CACNA1H: variants seen among roughly 807,000 people sequenced by gnomAD.
The protein encoded by CACNA1H is voltage-dependent T-type calcium channel subunit alpha-1H.
CACNA1H carries 149 observed loss-of-function variants against 192.5 expected under a neutral mutation model. The ratio of observed to expected loss-of-function variants is 0.77; its 90% CI spans 0.68 to 0.89. The LOEUF (loss-of-function observed/expected upper bound fraction) is 0.89. Ranked by LOEUF, CACNA1H falls within the 40% of genes least tolerant of loss-of-function variation. The pLI is 0.00. For synonymous variants in CACNA1H, 2,202 were observed against 1,475.2 expected, an observed-to-expected ratio of 1.49 and a Z score of -11.29; for missense variants, 4,257 against 3,423.5, an observed-to-expected ratio of 1.24 and a Z score of -6.08.
intron 27 of CACNA1H, among the ~76,000 whole-genome samples, chr16:1,214,205 C>G (rs1175080021): frequency 6.6e-6 from 1 of 151,860 alleles, no homozygotes; most frequent in African/African-American, 2.4e-5. Context: ...GCTGGCAGGA[C>G]GTGAGCATCC....
chr16:1,213,973 C>T (rs1969766898), intron 27 of CACNA1H, 42 bp downstream of exon 27: 1 of 1,550,414 alleles, frequency 6.4e-7, no homozygotes, highest in Non-Finnish European at 8.8e-7. Context: ...GGCTGGGGCA[C>T]CCCCAGTGGG....
intron 2 of CACNA1H, among the ~76,000 whole-genome samples, chr16:1,163,705 A>G (rs1963459811): frequency 6.6e-6 from 1 of 152,186 alleles, no homozygotes. Flanking sequence ...GCTGTGTCTG[A>G]GGATGGCTTA....
chr16:1,195,364 G>A (rs1966869117), intron 3 of CACNA1H, 68 bp from the exon 4 acceptor site: 1 of 1,542,650 alleles, frequency 6.5e-7, no homozygotes, highest in Non-Finnish European at 8.7e-7. Context: ...GCTCTTGCGG[G>A]GCTGGGGTTG....
intron 2 of CACNA1H, among the ~76,000 whole-genome samples, chr16:1,163,078 C>G (rs927661595): frequency 3.9e-5 from 6 of 152,262 alleles, no homozygotes; most frequent in African/African-American, 1.4e-4. Context: ...TCACTCGTCA[C>G]CCAGCCTCTC....
chr16:1,162,276 A>C (rs972264879), intron 2 of CACNA1H, among the ~76,000 whole-genome samples: 1 of 152,088 alleles, frequency 6.6e-6, no homozygotes, highest in Non-Finnish European at 1.5e-5. Flanking sequence ...GCCTCCTGCC[A>C]GGGTGCCCCC....
chr16:1,153,964 C>G lies in CACNA1H; in HGVS notation c.227C>G (p.Ala76Gly). 1 of 1,448,624 alleles carries G rather than the reference C, an allele frequency of 6.9e-7. No homozygotes were observed. The highest frequency in any genetic ancestry group is 9.1e-7 in the Non-Finnish European group (1 of 1,100,516). The allele number at this position is 1,448,624 out of a possible 1,614,324, so 89.7% of individuals were successfully genotyped here. ...CAGCGCGTCCCGTACCCGGCCTTGG[C>G]GGCCACGGTCTTCTTCTGCCTCGGT... ...EEQRVPYPALAATVFFCLGQT... is the reference protein window; with the variant it reads ...EEQRVPYPALGATVFFCLGQT... Residue 76 changes from alanine (A) to glycine (G), a missense_variant, in exon 2 of 35, where the codon GCG (alanine) becomes GGG (glycine). Physicochemically the swap from Ala to Gly is moderately conservative, Grantham distance 60. Transcript: ENST00000348261.
At chr16:1,156,656 C>T (rs769451330) in intron 2 of CACNA1H, among the ~76,000 whole-genome samples, 2 of 152,146 alleles carry the variant, frequency 1.3e-5, no homozygotes, top group Non-Finnish European at 1.5e-5. Flanking sequence ...AGGGTGAACT[C>T]TGAGAGGGAG....
At chr16:1,213,233 C>T (rs1053325343) in intron 26 of CACNA1H, among the ~76,000 whole-genome samples, 11 of 152,234 alleles carry the variant, frequency 7.2e-5, no homozygotes, top group African/African-American at 2.7e-4. Context: ...AGGTTACACT[C>T]TCGTCTCTGC....
rs181132673 is a variant in CACNA1H, at chr16:1,203,739, C to G, written c.2003-271C>G. ...CGACACGTCCCTGCGGTCTCTCTGT[C>G]TTCACATGGCTCTTTGGTTTCTTCT... On this transcript the variant is annotated intron_variant, in intron 9 of 34. Coordinates refer to ENST00000348261, the MANE Select transcript of CACNA1H (RefSeq NM_021098.3). Among the ~76,000 whole-genome samples the G allele has an allele frequency of 3.9e-5, 6 of 152,326 alleles. No homozygotes were observed. The East Asian group carries it at 1.2e-3, about 29-fold the overall frequency.
rs1012676685 is a variant in CACNA1H at position 1,154,034 on chromosome 16, C to T, written c.297C>T (p.Asn99=). 27 of 1,320,860 alleles carry T rather than the reference C, an allele frequency of 2.0e-5. No homozygotes were observed. The highest frequency in any genetic ancestry group is 2.5e-5 in the Non-Finnish European group (26 of 1,036,964). 81.8% of individuals were successfully genotyped at this position (1,320,860 alleles called of 1,614,324 possible). A position where few individuals can be genotyped will look rare whatever the true frequency, so the allele number is the denominator to read the frequency against. Residue 99 remains asparagine, a splice_region_variant and synonymous_variant, in exon 2 of 35, where the codon AAC becomes AAT. Coordinates refer to ENST00000348261, the MANE Select transcript of CACNA1H (RefSeq NM_021098.3). ...GCTGGTGCCTCCGGCTGGTCTGCAA[C>T]CCATATCCTTCCCGGCCGGCGGGGG... ...PRSWCLRLVC[N]PWFEHVSMLV... is the part of the protein sequence containing the mutation.
intron 2 of CACNA1H, among the ~76,000 whole-genome samples, chr16:1,186,627 T>G (rs1266142667): frequency 6.6e-6 from 1 of 152,082 alleles, no homozygotes; most frequent in Admixed American, 6.5e-5. Context: ...GTCGTGAATG[T>G]GGTCACGTGT....
intron 2 of CACNA1H, among the ~76,000 whole-genome samples, chr16:1,175,735 G>A (rs1964817401): frequency 6.6e-6 from 1 of 152,220 alleles, no homozygotes; most frequent in South Asian, 2.1e-4. Flanking sequence ...CCTGGGAGTG[G>A]GTTTTGAGGG....
rs935910773 is a variant in CACNA1H at position 1,167,999 on chromosome 16, G to T, written c.299+13963G>T. ...CGCTTGTCCCCAAGGCCTGGTGACC[G>T]CACCTCTGTCTGCCCTAGGCCTTCG... On this transcript the variant is annotated intron_variant, in intron 2 of 34. Coordinates refer to ENST00000348261, the MANE Select transcript of CACNA1H (RefSeq NM_021098.3). The surrounding 1 kb of genome is among the most constrained non-coding windows in gnomAD (Gnocchi z 4.2). Among the ~76,000 whole-genome samples, 1 of 152,182 alleles carries T rather than the reference G, an allele frequency of 6.6e-6. No homozygotes were observed. The highest frequency in any genetic ancestry group is 1.5e-5 in the Non-Finnish European group (1 of 68,028).
chr16:1,165,058 G>T (rs905826292), intron 2 of CACNA1H, among the ~76,000 whole-genome samples: 2 of 152,140 alleles, frequency 1.3e-5, no homozygotes, highest in Non-Finnish European at 2.9e-5. Flanking sequence ...GGGAACAGTG[G>T]CGCTCACCTG....
intron 2 of CACNA1H, among the ~76,000 whole-genome samples, chr16:1,185,137 C>T (rs968583567): frequency 2.6e-5 from 4 of 152,204 alleles, no homozygotes; most frequent in African/African-American, 9.6e-5. Flanking sequence ...CCAGTTCTTC[C>T]CAGCATCATG....
intron 2 of CACNA1H, among the ~76,000 whole-genome samples, chr16:1,186,253 G>T (rs1258435017): frequency 6.6e-6 from 1 of 151,976 alleles, no homozygotes; most frequent in Non-Finnish European, 1.5e-5. Flanking sequence ...TTCCTTAGTG[G>T]TGTTTTGAAT....
intron 2 of CACNA1H, 122 bp from the exon 3 acceptor site, chr16:1,194,850 C>T (rs951585191): frequency 9.6e-6 from 7 of 728,456 alleles, no homozygotes; most frequent in Admixed American, 6.0e-5. Context: ...CCCACCCCAT[C>T]CTGGACACCC....
Position 1,167,857 on chromosome 16 carries a change from C to T in CACNA1H, c.299+13821C>T, listed in dbSNP as rs1000593686. On this transcript the variant is annotated intron_variant, in intron 2 of 34. Transcript: ENST00000348261. The surrounding 1 kb of genome is among the most constrained non-coding windows in gnomAD (Gnocchi z 4.2). ...TTGGGGCGTGGCCTGGCCGTCCGTC[C>T]GCGGGGCCCGGGCTGCCCATGGCAG... is the stretch of plus-strand genomic sequence containing the variant. 9.9e-5 allele frequency among the ~76,000 whole-genome samples: 15 copies of T among 152,192 alleles called. No individual in the cohort carries two copies. Among genetic ancestry groups the T allele is most frequent in the African/African-American group, 1.2e-4 (5 of 41,458 alleles).
At chr16:1,196,311 C>T (rs1211594726) in intron 5 of CACNA1H, among the ~76,000 whole-genome samples, 1 of 152,280 alleles carries the variant, frequency 6.6e-6, no homozygotes, top group Non-Finnish European at 1.5e-5. Flanking sequence ...GGTTCCTTCT[C>T]TGCATGGCAT....
Sources: allele counts gnomAD v4.1 joint callset (sites outside exome capture counted in the v4.1 genomes callset), GRCh38; gene constraint gnomAD v4.1.1; non-coding constraint Gnocchi (gnomAD v3.1); transcripts MANE v1.5; gene names NCBI Gene and HGNC (gene_info 2026-07-23, HGNC 2026-07-21).